Variants in SERAC1 observed in about 807,000 individuals in gnomAD.
SERAC1 encodes serine active site containing 1.
In SERAC1, 36 loss-of-function variants were observed where a neutral mutation model predicts 85.7. The observed-to-expected ratio is 0.42, with a 90% CI of 0.32 to 0.55. SERAC1 has a LOEUF of 0.55. Among genes scored for constraint, SERAC1 ranks in the 20% least tolerant of loss-of-function variants. SERAC1 has a pLI of 0.11. For missense variants in SERAC1, 629 were observed against 796.2 expected (o/e 0.79, Z 2.53); for synonymous variants, 242 against 265.3 (o/e 0.91, Z 0.85).
In SERAC1 at chr6:158,120,886, A is replaced by G. The variant is rs1180444854; in HGVS notation, c.1016-311T>C. On this transcript the variant is annotated intron_variant, in intron 10 of 16. Coordinates refer to ENST00000647468, the MANE Select transcript of SERAC1 (RefSeq NM_032861.4). The surrounding 1 kb of genome is among the most constrained non-coding windows in gnomAD (Gnocchi z 4.4). ...CATAGCAGTTATAGAGGTGTTCACAAAAGTGAACAAAATACCATGATGTTT... is the reference window on the plus strand; with the variant it reads ...CATAGCAGTTATAGAGGTGTTCACAGAAGTGAACAAAATACCATGATGTTT... Among the ~76,000 whole-genome samples, 2 of 152,230 alleles carry G rather than the reference A, an allele frequency of 1.3e-5. No homozygotes were observed. The highest frequency in any genetic ancestry group is 2.9e-5 in the Non-Finnish European group (2 of 68,032).
chr6:158,139,734 TC>T (rs1445741093), intron 8 of SERAC1, among the ~76,000 whole-genome samples: 2 of 152,098 alleles, frequency 1.3e-5, no homozygotes, highest in Admixed American at 6.5e-5. Flanking sequence ...TGAGACCTCA[TC>T]TCAAAAACAA....
chr6:158,123,552 A>G (rs1784468321), intron 10 of SERAC1, among the ~76,000 whole-genome samples: 1 of 152,204 alleles, frequency 6.6e-6, no homozygotes, highest in Admixed American at 6.5e-5. Flanking sequence ...CATTGCTAAG[A>G]ATGTTAAGGT....
chr6:158,161,980 A>G (rs977092790), intron 1 of SERAC1: 1 of 152,304 alleles, frequency 6.6e-6, no homozygotes, highest in African/African-American at 2.4e-5. Context: ...AAAAAACACA[A>G]TAAAAGAAAG....
intron 8 of SERAC1, among the ~76,000 whole-genome samples, chr6:158,134,581 C>A (rs1328699887): frequency 6.6e-6 from 1 of 151,904 alleles, no homozygotes; most frequent in Admixed American, 6.6e-5. Context: ...AGAAAAATAA[C>A]CATGTGTTAT....
intron 1 of SERAC1, chr6:158,161,109 G>A (rs1785477823): frequency 6.6e-6 from 1 of 152,194 alleles, no homozygotes; most frequent in African/African-American, 2.4e-5. Flanking sequence ...CAGGCGTGGT[G>A]ACTCATGCCT....
intron 8 of SERAC1, among the ~76,000 whole-genome samples, chr6:158,136,691 G>A (rs1784801700): frequency 6.6e-6 from 1 of 152,148 alleles, no homozygotes; most frequent in South Asian, 2.1e-4. Flanking sequence ...ACAGCACACT[G>A]ACACTGAAGG....
At chr6:158,134,536 A>G (rs1426219294) in intron 8 of SERAC1, among the ~76,000 whole-genome samples, 1 of 152,246 alleles carries the variant, frequency 6.6e-6, no homozygotes, top group Non-Finnish European at 1.5e-5. Flanking sequence ...GAACATCAGT[A>G]TGAATAAGGA....
At chr6:158,146,534 G>C (rs1411583761) in intron 6 of SERAC1, 2 of 294,170 alleles carry the variant, frequency 6.8e-6, no homozygotes, top group South Asian at 6.3e-5. Flanking sequence ...TCAGCCTCTC[G>C]AGTAGCTGGG....
rs149084265 is a variant in SERAC1, at chr6:158,143,872, G to A, written c.609+427C>T. On this transcript the variant is annotated intron_variant, in intron 7 of 16. Coordinates refer to ENST00000647468, the MANE Select transcript of SERAC1 (RefSeq NM_032861.4). ...GGGTCATTTTTGGTTGTTACAACTA[G>A]GGGGTGCTACTAGCATCTTGGGAGT... Among the ~76,000 whole-genome samples the A allele has an allele frequency of 4.3e-3, 654 of 152,144 alleles. 3 individuals carry two copies. The highest frequency in any genetic ancestry group is 0.015 in the African/African-American group (626 of 41,492).
chr6:158,157,645 G>A (rs1008310115), intron 2 of SERAC1, among the ~76,000 whole-genome samples: 1 of 152,124 alleles, frequency 6.6e-6, no homozygotes, highest in African/African-American at 2.4e-5. Context: ...GCTCAGAAAA[G>A]GTAAGTTATT....
At chr6:158,132,432 C>T (rs1398410387) in intron 8 of SERAC1, among the ~76,000 whole-genome samples, 3 of 152,112 alleles carry the variant, frequency 2.0e-5, no homozygotes, top group Admixed American at 6.6e-5. Flanking sequence ...AAAAGTCGTC[C>T]TTCTCTGGCA....
In SERAC1 at chr6:158,155,305, G is replaced by A. The variant is rs1369684732; in HGVS notation, c.128+10C>T. 1 of 1,537,072 alleles carries A rather than the reference G, an allele frequency of 6.5e-7. No individual in the cohort carries two copies. Among genetic ancestry groups the A allele is most frequent in the Non-Finnish European group, 9.0e-7 (1 of 1,111,720 alleles). The stretch of plus-strand genomic sequence containing the variant: ...TGAAGCCAATTAATATTCCACAGTT[G>A]ACGACTTACCCTAAAATAAGTGATC... On this transcript the variant is annotated intron_variant, in intron 3 of 16. Transcript: ENST00000647468.
At position 158,148,872 on chromosome 6, in the gene SERAC1, T is replaced by C. The variant is rs1343716391; in HGVS notation, c.348A>G (p.Pro116=). The C allele has an allele frequency of 1.1e-5, 17 of 1,606,618 alleles. No individual in the cohort carries two copies. The highest frequency in any genetic ancestry group is 4.5e-5 in the East Asian group (2 of 44,670). Residue 116 remains proline (P), a synonymous_variant, in exon 5 of 17, where the codon CCA becomes CCG. Coordinates refer to ENST00000647468, the MANE Select transcript of SERAC1 (RefSeq NM_032861.4). ...CATATAGTGGATATTTACCAGCAAATGGATTCCGCAGTATCTTGGCTGATG... is the reference window on the plus strand; with the variant it reads ...CATATAGTGGATATTTACCAGCAAACGGATTCCGCAGTATCTTGGCTGATG... ...LATSAKILRN[P]FADPFSTVDI... is the part of the protein sequence containing the mutation.
At chr6:158,140,921 A>G (rs1296819553) in intron 8 of SERAC1, among the ~76,000 whole-genome samples, 2 of 152,218 alleles carry the variant, frequency 1.3e-5, no homozygotes, top group Non-Finnish European at 2.9e-5. Context: ...TATCTTGTAC[A>G]GTACAGTTTT....
chr6:158,118,802 T>C (rs906158397), intron 12 of SERAC1, among the ~76,000 whole-genome samples: 5 of 152,184 alleles, frequency 3.3e-5, no homozygotes, highest in African/African-American at 1.2e-4. Flanking sequence ...CCCTATTTTT[T>C]ACTTAATAGA....
chr6:158,131,769 A>G (rs1784682964), intron 8 of SERAC1, among the ~76,000 whole-genome samples: 1 of 152,168 alleles, frequency 6.6e-6, no homozygotes, highest in Non-Finnish European at 1.5e-5. Context: ...AGTGATAGAT[A>G]TGCAAGTTTG....
intron 8 of SERAC1, among the ~76,000 whole-genome samples, chr6:158,137,813 A>T (rs906240360): frequency 6.6e-6 from 1 of 151,980 alleles, no homozygotes; most frequent in Non-Finnish European, 1.5e-5. Flanking sequence ...CAGAAGGTGG[A>T]GGTTGTAGTG....
chr6:158,129,723 G>A (rs188244710), intron 9 of SERAC1, among the ~76,000 whole-genome samples: 46 of 146,222 alleles, frequency 3.1e-4, no homozygotes, highest in African/African-American at 1.1e-3. Context: ...TTGAGATGGA[G>A]TCTTGCTCTG....
intron 14 of SERAC1, among the ~76,000 whole-genome samples, chr6:158,115,494 A>G (rs1231934455): frequency 6.6e-6 from 1 of 152,204 alleles, no homozygotes; most frequent in Non-Finnish European, 1.5e-5. Flanking sequence ...AAGGATGATG[A>G]CAGTAGGTCT....
Sources: gnomAD v4.1 joint callset for allele counts (sites outside exome capture counted in the v4.1 genomes callset) on GRCh38, gnomAD v4.1.1 for gene constraint, Gnocchi (gnomAD v3.1) non-coding constraint, MANE v1.5 for transcripts, NCBI Gene and HGNC (gene_info 2026-07-23, HGNC 2026-07-21) for gene names.